DIP2C: variants seen among roughly 807,000 people sequenced by gnomAD.
The protein encoded by DIP2C is disco-interacting protein 2 homolog C.
Under a neutral mutation model 192.4 loss-of-function variants are expected in DIP2C, and 33 were observed. The ratio of observed to expected loss-of-function variants is 0.17; its 90% CI spans 0.13 to 0.23. The LOEUF (loss-of-function observed/expected upper bound fraction) is 0.23, where lower values mean the gene tolerates loss of function less well. DIP2C is among the 10% of genes least tolerant of loss of function. The probability of loss-of-function intolerance (pLI) is 1.00; values close to 1 mark genes in which losing one functional copy is unlikely to be tolerated. For missense variants in DIP2C, 1,537 were observed against 2,110.1 expected, an observed-to-expected ratio of 0.73 and a Z score of 5.32; for synonymous variants, 979 against 864.1, an observed-to-expected ratio of 1.13 and a Z score of -2.33.
intron 1 of DIP2C, among the ~76,000 whole-genome samples, chr10:602,098 G>A (rs1016079212): frequency 2.6e-5 from 4 of 152,068 alleles, no homozygotes; most frequent in African/African-American, 9.6e-5. Context: ...GGCGGGGAAT[G>A]TCTTAACCAT....
At chr10:623,936 T>G (rs1181350689) in intron 1 of DIP2C, among the ~76,000 whole-genome samples, 1 of 152,140 alleles carries the variant, frequency 6.6e-6, no homozygotes, top group African/African-American at 2.4e-5. Flanking sequence ...GATTATACAG[T>G]CATTAAAAAT....
chr10:372,715 A>G (rs554049669), intron 17 of DIP2C, among the ~76,000 whole-genome samples: 468 of 148,258 alleles, frequency 3.2e-3, no homozygotes, highest in Middle Eastern at 0.01. Context: ...ACAGAAGCGC[A>G]GGAGGTCCCA....
intron 1 of DIP2C, among the ~76,000 whole-genome samples, chr10:486,908 C>CCTGT (rs758527138): frequency 6.6e-6 from 1 of 152,208 alleles, no homozygotes; most frequent in Non-Finnish European, 1.5e-5. Flanking sequence ...GCCGGGATGG[C>CCTGT]CGACACCAGC....
intron 1 of DIP2C, among the ~76,000 whole-genome samples, chr10:601,080 T>C (rs1852043151): frequency 6.6e-6 from 1 of 152,032 alleles, no homozygotes; most frequent in African/African-American, 2.4e-5. Flanking sequence ...AATTTGCCAC[T>C]TCAGCCTACA....
chr10:650,332 C>A (rs1220121088), intron 1 of DIP2C: 1 of 716,706 alleles, frequency 1.4e-6, no homozygotes, highest in Non-Finnish European at 2.6e-6. Flanking sequence ...CCACGCCAGC[C>A]CACAGCCACT....
chr10:455,217 C>T (rs1969190946), intron 3 of DIP2C, among the ~76,000 whole-genome samples: 1 of 152,212 alleles, frequency 6.6e-6, no homozygotes, highest in South Asian at 2.1e-4. Context: ...CTATTTGCAC[C>T]CCCATTTCCC....
In DIP2C at chr10:341,326, A is replaced by T. The variant is rs1435201575; in HGVS notation, c.3457T>A (p.Ser1153Thr). ...TTGMLAGVKM[S>T]HAATSAFCRS... Reference sequence around the variant, plus strand: ...CAGAAGGCACTGGTGGCTGCGTGAGACATCTGCAAAATACAAGGCTGTGTT... The same window carrying T: ...CAGAAGGCACTGGTGGCTGCGTGAGTCATCTGCAAAATACAAGGCTGTGTT... Residue 1153 changes from serine to threonine, a missense_variant, in exon 29 of 37, where the codon TCT (serine) becomes ACT (threonine). By Grantham distance (58) the Ser-to-Thr change is moderately conservative. Transcript: ENST00000280886. 3 of 1,613,920 alleles carry T rather than the reference A, an allele frequency of 1.9e-6. No homozygotes were observed. The highest frequency in any genetic ancestry group is 2.5e-6 in the Non-Finnish European group (3 of 1,180,046).
intron 10 of DIP2C, among the ~76,000 whole-genome samples, chr10:392,057 G>A (rs761689739): frequency 6.6e-6 from 1 of 152,278 alleles, no homozygotes; most frequent in South Asian, 2.1e-4. Context: ...GGAGCTCTGC[G>A]GACAGATGGA....
intron 2 of DIP2C, among the ~76,000 whole-genome samples, chr10:473,528 T>A (rs1443964675): frequency 1.3e-5 from 2 of 151,726 alleles, no homozygotes; most frequent in African/African-American, 4.9e-5. Flanking sequence ...TGAACGGCTC[T>A]GATACCACAG....
intron 1 of DIP2C, among the ~76,000 whole-genome samples, chr10:526,942 T>A (rs1220072080): frequency 6.6e-6 from 1 of 152,176 alleles, no homozygotes; most frequent in Non-Finnish European, 1.5e-5. Context: ...AAGCAACTCA[T>A]CCAAGTCTGT....
intron 16 of DIP2C, among the ~76,000 whole-genome samples, chr10:383,308 C>A (rs1270361637): frequency 6.6e-6 from 1 of 152,184 alleles, no homozygotes; most frequent in East Asian, 1.9e-4. Flanking sequence ...TTTTGTATAT[C>A]AGGCATTAAA....
rs377355153 is a variant in DIP2C, at chr10:479,050, C to T, written c.158-6501G>A. 9.9e-5 allele frequency among the ~76,000 whole-genome samples: 15 copies of T among 152,264 alleles called. No individual in the cohort carries two copies. The East Asian group carries it at 1.3e-3, about 14-fold the overall frequency. On this transcript the variant is annotated intron_variant, in intron 2 of 36. Coordinates refer to ENST00000280886, the MANE Select transcript of DIP2C (RefSeq NM_014974.3). ...TGCTCTGGGCCCTTAGTGAAACTGC[C>T]GGGGATTTTTCTGTATTTTCAGGTC...
chr10:286,045 C>A (rs1226379559), intron 34 of DIP2C, among the ~76,000 whole-genome samples: 1 of 152,220 alleles, frequency 6.6e-6, no homozygotes, highest in Non-Finnish European at 1.5e-5. Flanking sequence ...TATTTGAGGA[C>A]AATCTATTAT....
intron 1 of DIP2C, among the ~76,000 whole-genome samples, chr10:540,900 T>C (rs1372283829): frequency 6.6e-6 from 1 of 152,176 alleles, no homozygotes; most frequent in Non-Finnish European, 1.5e-5. Flanking sequence ...AAGCAAAGCA[T>C]GCATTAGACA....
At position 434,207 on chromosome 10, in the gene DIP2C, A is replaced by G. The variant is rs144683168; in HGVS notation, c.394+6664T>C. 7.5e-4 allele frequency among the ~76,000 whole-genome samples: 115 copies of G among 152,360 alleles called. 3 individuals carry two copies. The East Asian group carries it at 0.021, about 28-fold the overall frequency. ...GCATATAATCAAATACACTGTCGCT[A>G]TTATGAATGAACTGTTACATTAAAT... On this transcript the variant is annotated intron_variant, in intron 4 of 36. Coordinates refer to ENST00000280886, the MANE Select transcript of DIP2C (RefSeq NM_014974.3).
chr10:656,521 G>T (rs529973298), intron 1 of DIP2C, among the ~76,000 whole-genome samples: 1 of 152,204 alleles, frequency 6.6e-6, no homozygotes, highest in Non-Finnish European at 1.5e-5. Flanking sequence ...TATGCCACAC[G>T]TAAGTGCACA....
At chr10:368,866 A>G (rs1241337713) in intron 18 of DIP2C, among the ~76,000 whole-genome samples, 7 of 152,248 alleles carry the variant, frequency 4.6e-5, no homozygotes. Context: ...CCAGGGGCTG[A>G]TGCTGCCTGT....
chr10:324,914 T>G, intron 31 of DIP2C: 2 of 532,274 alleles, frequency 3.8e-6, no homozygotes, highest in South Asian at 2.8e-5. Flanking sequence ...GTTTTGGTTC[T>G]TTTTTCACGT....
intron 24 of DIP2C, among the ~76,000 whole-genome samples, chr10:355,399 C>T (rs868055773): frequency 7.9e-5 from 12 of 152,208 alleles, no homozygotes; most frequent in African/African-American, 1.4e-4. Flanking sequence ...GGAATAATTT[C>T]GTGATGCTGC....
Sources: gnomAD v4.1 joint callset for allele counts (sites outside exome capture counted in the v4.1 genomes callset) on GRCh38, gnomAD v4.1.1 for gene constraint, MANE v1.5 for transcripts, NCBI Gene and HGNC (gene_info 2026-07-23, HGNC 2026-07-21) for gene names.